MTUS1: variants seen among roughly 807,000 people sequenced by gnomAD.
MTUS1 encodes the protein microtubule-associated tumor suppressor 1.
A neutral mutation model predicts 120.8 loss-of-function variants in MTUS1; 109 were observed. That is an observed-to-expected ratio of 0.90 (90% CI 0.77 to 1.06). The LOEUF is 1.06. Ranked by LOEUF, MTUS1 falls within the 50% of genes least tolerant of loss-of-function variation. The pLI is 0.00. For synonymous variants in MTUS1, 737 were observed against 550.5 expected (o/e 1.34, Z -4.74); for missense variants, 2,210 against 1,486.3 (o/e 1.49, Z -8.01).
At chr8:17,696,607 G>A (rs971912209) in intron 6 of MTUS1, among the ~76,000 whole-genome samples, 17 of 152,110 alleles carry the variant, frequency 1.1e-4, no homozygotes, top group African/African-American at 3.4e-4. Context: ...AGGTCACCAC[G>A]TGCCTAAAAT....
Position 17,756,107 on chromosome 8 carries a change from A to G in MTUS1, c.-154-146T>C, listed in dbSNP as rs145641353. 419 of 291,996 alleles carry G rather than the reference A, an allele frequency of 1.4e-3. 3 individuals are homozygous for G. The highest frequency in any genetic ancestry group is 8.5e-3 in the African/African-American group (383 of 45,242). The allele number at this position is 291,996 out of a possible 1,614,324, so 18.1% of individuals were successfully genotyped here. A position where few individuals can be genotyped will look rare whatever the true frequency, so the allele number is the denominator to read the frequency against. ...TACTGATGTGGGTAACTGAGATATAATCAGGCAATCTATCACCGCTTTTCA... is the reference window on the plus strand; with the variant it reads ...TACTGATGTGGGTAACTGAGATATAGTCAGGCAATCTATCACCGCTTTTCA... On this transcript the variant is annotated intron_variant, in intron 1 of 14. Coordinates refer to ENST00000693296, the MANE Select transcript of MTUS1 (RefSeq NM_001363059.2).
rs2048535767 is a variant in MTUS1 at position 17,755,421 on chromosome 8, G to C, written c.387C>G (p.Gly129=). ...AAGGCAAAGATGGCTCAACACTCTG[G>C]CCCTCAACTGCTTCTAGGGAATGAC... The part of the protein sequence containing the change: ...HSCHSLEAVE[G]QSVEPSLPFV... Residue 129 remains glycine (G), a synonymous_variant, in exon 2 of 15, where the codon GGC becomes GGG. Transcript: ENST00000693296. The C allele has an allele frequency of 1.2e-6, 2 of 1,614,094 alleles. No individual in the cohort carries two copies. Among genetic ancestry groups the C allele is most frequent in the Admixed American group, 1.7e-5 (1 of 60,006 alleles).
intron 8 of MTUS1, among the ~76,000 whole-genome samples, chr8:17,664,377 T>C (rs1307991818): frequency 6.6e-6 from 1 of 151,952 alleles, no homozygotes; most frequent in Non-Finnish European, 1.5e-5. Flanking sequence ...GAAAAAGAGA[T>C]GATTCCATTC....
chr8:17,681,837 C>T (rs564617253), intron 7 of MTUS1, among the ~76,000 whole-genome samples: 1 of 142,820 alleles, frequency 7.0e-6, no homozygotes, highest in South Asian at 2.2e-4. Flanking sequence ...TTCCTAGTAG[C>T]CACGCTGAGA....
intron 13 of MTUS1, among the ~76,000 whole-genome samples, chr8:17,648,975 C>T (rs1806409612): frequency 6.6e-6 from 1 of 152,238 alleles, no homozygotes; most frequent in Non-Finnish European, 1.5e-5. Flanking sequence ...TGACGCTGAA[C>T]ACTGAACATG....
chr8:17,727,818 C>A (rs111663016), intron 3 of MTUS1, among the ~76,000 whole-genome samples: 25 of 152,278 alleles, frequency 1.6e-4, no homozygotes, highest in Admixed American at 3.9e-4. Flanking sequence ...TACGTATAGA[C>A]AACAGATTGG....
chr8:17,648,353 A>G (rs1456951145), intron 13 of MTUS1, among the ~76,000 whole-genome samples: 1 of 152,230 alleles, frequency 6.6e-6, no homozygotes, highest in Non-Finnish European at 1.5e-5. Context: ...ATGGCAAGAA[A>G]CAAATAGTAG....
At chr8:17,706,977 T>G (rs1397735135) in intron 6 of MTUS1, among the ~76,000 whole-genome samples, 1 of 152,196 alleles carries the variant, frequency 6.6e-6, no homozygotes, top group Non-Finnish European at 1.5e-5. Context: ...ATTATTTTAC[T>G]AGAACTAAGG....
chr8:17,732,643 T>G (rs2046666260), intron 3 of MTUS1, among the ~76,000 whole-genome samples: 5 of 152,196 alleles, frequency 3.3e-5, no homozygotes, highest in Admixed American at 3.3e-4. Context: ...CCACATGGCC[T>G]CTTATCAATC....
At chr8:17,724,125 C>T in intron 3 of MTUS1, 1 of 519,146 alleles carries the variant, frequency 1.9e-6, no homozygotes, top group Non-Finnish European at 3.6e-6. Context: ...AGGAGATGAT[C>T]AATCAGAATA....
intron 8 of MTUS1, among the ~76,000 whole-genome samples, chr8:17,670,165 G>A (rs1366518607): frequency 1.3e-5 from 2 of 152,230 alleles, no homozygotes; most frequent in African/African-American, 2.4e-5. Flanking sequence ...AGGAACAGGG[G>A]TGAATGAGGA....
At chr8:17,801,151 GCCCCGGAGGT>G (rs1171625154), upstream of MTUS1, among the ~76,000 whole-genome samples, 3 of 151,600 alleles carry the variant, frequency 2.0e-5, no homozygotes, top group Non-Finnish European at 4.4e-5. Context: ...CCGAGAACCC[GCCCCGGAGGT>G]CTCGGGGGCG....
chr8:17,729,231 G>C (rs2046404699), intron 3 of MTUS1, among the ~76,000 whole-genome samples: 1 of 152,132 alleles, frequency 6.6e-6, no homozygotes, highest in Non-Finnish European at 1.5e-5. Context: ...AAACTTAAAA[G>C]TGACAAACAA....
chr8:17,657,333 C>T (rs1223432309), intron 8 of MTUS1, among the ~76,000 whole-genome samples: 2 of 151,560 alleles, frequency 1.3e-5, no homozygotes, highest in Non-Finnish European at 2.9e-5. Context: ...CTTTGGGAGG[C>T]CGAGGCGGGC....
chr8:17,684,286 G>T, intron 7 of MTUS1, 42 bp downstream of exon 7: 1 of 1,503,856 alleles, frequency 6.6e-7, no homozygotes, highest in Non-Finnish European at 9.3e-7. Flanking sequence ...GTGCTCCCCC[G>T]ACCTCAAGTA....
intron 1 of MTUS1, among the ~76,000 whole-genome samples, chr8:17,784,141 T>G (rs993344428): frequency 1.3e-5 from 2 of 152,232 alleles, no homozygotes; most frequent in Admixed American, 1.3e-4. Context: ...CTCCTTTTGA[T>G]ACTAACTTCC....
At position 17,645,139 on chromosome 8, in the gene MTUS1, G is replaced by GTGTT. The variant is rs1343188600; in HGVS notation, c.*783_*786dup. 2.6e-5 allele frequency: 4 copies of GTGTT among 152,552 alleles called. No homozygotes were observed. Among genetic ancestry groups the GTGTT allele is most frequent in the South Asian group, 2.1e-4 (1 of 4,810 alleles). 9.4% of individuals were successfully genotyped at this position (152,552 alleles called of 1,614,324 possible). ...GCCTGAGAAAATGAATTACAGGATAGTGTTAGGCTCACATGGGTAAGTAAA... is the reference window on the plus strand; with the variant it reads ...GCCTGAGAAAATGAATTACAGGATAGTGTTTGTTAGGCTCACATGGGTAAGTAAA... On this transcript the variant is annotated 3_prime_UTR_variant, in exon 15 of 15. Transcript: ENST00000693296.
chr8:17,681,852 T>C (rs533678796), intron 7 of MTUS1, among the ~76,000 whole-genome samples: 1 of 120,290 alleles, frequency 8.3e-6, no homozygotes, highest in African/African-American at 2.7e-5. Flanking sequence ...CTGAGAAAAG[T>C]TGAAAAAGAT....
At chr8:17,659,124 C>T (rs1466796725) in intron 8 of MTUS1, among the ~76,000 whole-genome samples, 1 of 152,124 alleles carries the variant, frequency 6.6e-6, no homozygotes, top group Non-Finnish European at 1.5e-5. Flanking sequence ...ACAGAGCTGG[C>T]AAGCGTGAGA....
Sources: allele counts gnomAD v4.1 joint callset (sites outside exome capture counted in the v4.1 genomes callset), GRCh38; gene constraint gnomAD v4.1.1; transcripts MANE v1.5; gene names NCBI Gene and HGNC (gene_info 2026-07-23, HGNC 2026-07-21).